The following CDH4 variants were observed in gnomAD, a reference collection of about 807,000 sequenced individuals.
CDH4 encodes cadherin 4, also known as cadherin-4.
A neutral mutation model predicts 86.0 loss-of-function variants in CDH4; 33 were observed. The ratio of observed to expected loss-of-function variants is 0.38; its 90% CI spans 0.29 to 0.51. CDH4 has a LOEUF of 0.51. CDH4 is among the 20% of genes least tolerant of loss of function. CDH4 has a pLI of 0.86. For missense variants in CDH4, 1,114 were observed against 1,307.4 expected (o/e 0.85, Z 2.28); for synonymous variants, 555 against 549.4 (o/e 1.01, Z -0.14).
chr20:61,876,100 T>C (rs899125728), intron 7 of CDH4, among the ~76,000 whole-genome samples: 2 of 152,190 alleles, frequency 1.3e-5, no homozygotes, highest in Non-Finnish European at 2.9e-5. Context: ...GAGGTACAGA[T>C]GGGATGGCAC....
At chr20:61,339,753 C>T (rs1219126920) in intron 2 of CDH4, among the ~76,000 whole-genome samples, 1 of 152,162 alleles carries the variant, frequency 6.6e-6, no homozygotes, top group Non-Finnish European at 1.5e-5. Flanking sequence ...CTAGATATTT[C>T]CTCATGCTCA....
At chr20:61,833,813 G>A (rs1420797015) in intron 4 of CDH4, among the ~76,000 whole-genome samples, 1 of 152,214 alleles carries the variant, frequency 6.6e-6, no homozygotes, top group Non-Finnish European at 1.5e-5. Context: ...CTTGGCAACA[G>A]CTCTGCAGGC....
At chr20:61,848,142 G>T (rs746759451) in intron 5 of CDH4, among the ~76,000 whole-genome samples, 42 of 152,266 alleles carry the variant, frequency 2.8e-4, no homozygotes, top group Non-Finnish European at 8.8e-5. Context: ...GGGATCACAG[G>T]CTGGTGGGGA....
At chr20:61,901,518 C>A (rs1301460951) in intron 8 of CDH4, among the ~76,000 whole-genome samples, 3 of 152,224 alleles carry the variant, frequency 2.0e-5, no homozygotes, top group African/African-American at 7.2e-5. Context: ...CAGACCACAC[C>A]CCAGCCAGAC....
At chr20:61,751,675 A>G (rs963166976) in intron 3 of CDH4, among the ~76,000 whole-genome samples, 14 of 152,194 alleles carry the variant, frequency 9.2e-5, no homozygotes, top group African/African-American at 3.4e-4. Flanking sequence ...AAATGGTTCC[A>G]TTTTAAAGGG....
intron 6 of CDH4, among the ~76,000 whole-genome samples, chr20:61,860,984 T>C (rs556443847): frequency 1.1e-4 from 17 of 152,316 alleles, no homozygotes; most frequent in African/African-American, 3.4e-4. Context: ...CCTTTGGGTC[T>C]AAAAAGGTGT....
chr20:61,797,630 A>T (rs1979600879), intron 4 of CDH4, among the ~76,000 whole-genome samples: 1 of 102,616 alleles, frequency 9.7e-6, no homozygotes, highest in African/African-American at 3.3e-5. Flanking sequence ...ACAAAACAAT[A>T]AAAAAAAATT....
intron 2 of CDH4, among the ~76,000 whole-genome samples, chr20:61,619,062 T>C (rs2086748476): frequency 6.6e-6 from 1 of 152,130 alleles, no homozygotes; most frequent in African/African-American, 2.4e-5. Context: ...TGCCCAGTGA[T>C]AGTGAATAAA....
At chr20:61,762,836 A>G (rs1300922401) in intron 3 of CDH4, among the ~76,000 whole-genome samples, 3 of 152,268 alleles carry the variant, frequency 2.0e-5, no homozygotes, top group African/African-American at 7.2e-5. Context: ...AATGAGAGCC[A>G]GCAGTTACAC....
intron 4 of CDH4, among the ~76,000 whole-genome samples, chr20:61,809,013 C>T (rs1364745384): frequency 6.6e-6 from 1 of 152,172 alleles, no homozygotes; most frequent in East Asian, 1.9e-4. Flanking sequence ...AGTGTGTGCC[C>T]ACCCACCACA....
intron 2 of CDH4, among the ~76,000 whole-genome samples, chr20:61,512,206 C>T (rs760548870): frequency 1.3e-5 from 2 of 152,092 alleles, no homozygotes; most frequent in Non-Finnish European, 2.9e-5. Context: ...CCTGAACGCT[C>T]TCTAATCAAG....
intron 8 of CDH4, among the ~76,000 whole-genome samples, chr20:61,904,532 G>A (rs1386888481): frequency 6.6e-6 from 1 of 152,168 alleles, no homozygotes; most frequent in African/African-American, 2.4e-5. Context: ...CGGCATCTCG[G>A]CAGGCACAGA....
chr20:61,430,656 G>A (rs2085241486), intron 2 of CDH4, among the ~76,000 whole-genome samples: 1 of 152,210 alleles, frequency 6.6e-6, no homozygotes, highest in Non-Finnish European at 1.5e-5. Context: ...AGCCTCGCCG[G>A]TGACAGATCA....
chr20:61,518,691 C>G lies in CDH4; in HGVS notation c.170-224872C>G, dbSNP rs2085843964. 6.6e-6 allele frequency among the ~76,000 whole-genome samples: 1 copy of G among 151,926 alleles called. No individual in the cohort carries two copies. Among genetic ancestry groups the G allele is most frequent in the Admixed American group, 6.6e-5 (1 of 15,256 alleles). On this transcript the variant is annotated intron_variant, in intron 2 of 15. Coordinates refer to ENST00000614565, the MANE Select transcript of CDH4 (RefSeq NM_001794.5). The surrounding 1 kb of genome is among the most constrained non-coding windows in gnomAD (Gnocchi z 6.3). Reference sequence around the variant, plus strand: ...CATCCTTTATTCATCCATCCTTCATCTACCTATCTGTTGTTCAATCATCCA... The same window carrying G: ...CATCCTTTATTCATCCATCCTTCATGTACCTATCTGTTGTTCAATCATCCA...
At position 61,684,601 on chromosome 20, in the gene CDH4, G is replaced by A. The variant is rs375947246; in HGVS notation, c.170-58962G>A. 2.6e-5 allele frequency among the ~76,000 whole-genome samples: 4 copies of A among 152,280 alleles called. No individual in the cohort carries two copies. The highest frequency in any genetic ancestry group is 9.6e-5 in the African/African-American group (4 of 41,554). On this transcript the variant is annotated intron_variant, in intron 2 of 15. Coordinates refer to ENST00000614565, the MANE Select transcript of CDH4 (RefSeq NM_001794.5). The surrounding 1 kb of genome is among the most constrained non-coding windows in gnomAD (Gnocchi z 4.5). ...CCGTCCTGGGGGCTGAAAGGCTCCT[G>A]GGGGTTCAGTCTCTAACCTGCTCTT...
chr20:61,862,714 ACCT>A (rs1983382269), intron 6 of CDH4, among the ~76,000 whole-genome samples: 3 of 152,192 alleles, frequency 2.0e-5, no homozygotes, highest in East Asian at 3.9e-4. Context: ...AGGGAAAGAC[ACCT>A]CCGTATTGAT....
intron 2 of CDH4, among the ~76,000 whole-genome samples, chr20:61,654,305 A>G (rs996283191): frequency 1.3e-5 from 2 of 152,214 alleles, no homozygotes; most frequent in East Asian, 1.9e-4. Flanking sequence ...CGCGCCTGCA[A>G]TCGCAAGCAC....
At chr20:61,523,171 G>A (rs1000572605) in intron 2 of CDH4, among the ~76,000 whole-genome samples, 4 of 152,202 alleles carry the variant, frequency 2.6e-5, no homozygotes, top group East Asian at 1.9e-4. Context: ...GTGGGAAGGC[G>A]GCTCCATGCC....
At chr20:61,654,898 G>A (rs758496453) in intron 2 of CDH4, among the ~76,000 whole-genome samples, 1 of 62,136 alleles carries the variant, frequency 1.6e-5, no homozygotes, top group African/African-American at 4.1e-5. Context: ...ACCCAGCCCC[G>A]CTCTGGACAG....
Sources: gnomAD v4.1 joint callset for allele counts (sites outside exome capture counted in the v4.1 genomes callset) on GRCh38, gnomAD v4.1.1 for gene constraint, Gnocchi (gnomAD v3.1) non-coding constraint, MANE v1.5 for transcripts, NCBI Gene and HGNC (gene_info 2026-07-23, HGNC 2026-07-21) for gene names.